Variants in TMEM161B observed in about 807,000 individuals in gnomAD.
TMEM161B encodes the protein transmembrane protein 161B.
TMEM161B carries 34 observed loss-of-function variants against 61.8 expected under a neutral mutation model. The ratio of observed to expected loss-of-function variants is 0.55; its 90% confidence interval spans 0.42 to 0.73. The LOEUF is 0.73. Among genes scored for constraint, TMEM161B ranks in the 30% least tolerant of loss-of-function variants. The pLI is 0.00. For synonymous variants in TMEM161B, 167 were observed against 192.8 expected, an observed-to-expected ratio of 0.87 and a Z score of 1.11; for missense variants, 456 against 558.5, an observed-to-expected ratio of 0.82 and a Z score of 1.85.
downstream of TMEM161B, among the ~76,000 whole-genome samples, chr5:88,192,683 C>A (rs1183947010): frequency 6.6e-6 from 1 of 152,166 alleles, no homozygotes; most frequent in Non-Finnish European, 1.5e-5. Flanking sequence ...TTCCTTAAGA[C>A]ACCTAAATCT....
chr5:88,219,290 T>C (rs1185561173), intron 5 of TMEM161B, among the ~76,000 whole-genome samples: 1 of 152,186 alleles, frequency 6.6e-6, no homozygotes, highest in Non-Finnish European at 1.5e-5. Flanking sequence ...AGCCCAAAGA[T>C]ACGTGCTTAA....
At chr5:88,221,696 G>C (rs1749015466) in intron 4 of TMEM161B, 1 of 455,716 alleles carries the variant, frequency 2.2e-6, no homozygotes, top group Non-Finnish European at 4.4e-6. Flanking sequence ...AGGTGGCATA[G>C]GTATTCTGGT....
intron 5 of TMEM161B, among the ~76,000 whole-genome samples, chr5:88,216,594 T>G (rs956605390): frequency 1.3e-5 from 2 of 152,240 alleles, no homozygotes; most frequent in Non-Finnish European, 2.9e-5. Context: ...CTTAAGACTT[T>G]GTTCTGGCTC....
At position 88,196,381 on chromosome 5, in the gene TMEM161B, T is replaced by C. The variant is rs745933568; in HGVS notation, c.1294A>G (p.Met432Val). ...GTTATTTGTGTAACAGTTACCTTCA[T>C]TTTCCCTTCAGCTGATGGTAATTCA... ...YSELPSAEGKMKVTVTQITVA... is the reference protein window; with the variant it reads ...YSELPSAEGKVKVTVTQITVA... The change falls in exon 12 of 12, where the codon ATG (methionine) becomes GTG (valine). Residue 432 changes from methionine to valine, a missense_variant. Met to Val is a conservative substitution (Grantham distance 21). Around this residue, in one of 3 missense-constraint regions of TMEM161B, gnomAD observed 367 missense variants for 427.3 expected, o/e 0.86. Coordinates refer to ENST00000296595, the MANE Select transcript of TMEM161B (RefSeq NM_153354.5). 1 of 1,613,420 alleles carries C rather than the reference T, an allele frequency of 6.2e-7. No homozygotes were observed. Among genetic ancestry groups the C allele is most frequent in the East Asian group, 2.2e-5 (1 of 44,834 alleles).
At chr5:88,262,000 A>T (rs1205532214) in intron 1 of TMEM161B, among the ~76,000 whole-genome samples, 5 of 152,152 alleles carry the variant, frequency 3.3e-5, no homozygotes. Flanking sequence ...AAACCAGACC[A>T]GGGGAAAATA....
rs374233084 is a variant in TMEM161B at position 88,197,623 on chromosome 5, T to C, written c.1186+46A>G. 8.8e-5 allele frequency: 127 copies of C among 1,440,846 alleles called. No homozygotes were observed. Among genetic ancestry groups the C allele is most frequent in the Non-Finnish European group, 1.2e-4 (122 of 1,043,548 alleles). 89.3% of individuals were successfully genotyped at this position (1,440,846 alleles called of 1,614,324 possible). On this transcript the variant is annotated intron_variant, in intron 11 of 11. Transcript: ENST00000296595. ...TGGTGACAAAAAGCTTTATTAATTA[T>C]AGGTAGAAAGTAAAAGATGCTTCCT...
At chr5:88,220,176 A>C (rs1748653772) in intron 5 of TMEM161B, among the ~76,000 whole-genome samples, 1 of 152,182 alleles carries the variant, frequency 6.6e-6, no homozygotes, top group African/African-American at 2.4e-5. Flanking sequence ...AATTTAATAA[A>C]ATGTTATCTC....
chr5:88,268,816 A>T lies in TMEM161B; in HGVS notation c.-93T>A. On this transcript the variant is annotated 5_prime_UTR_variant, in exon 1 of 12. Transcript: ENST00000296595. ...CCGGTCCTTGAGCCGAGAGACTCTC[A>T]AACAGCGAAAGAGAGGGTCTTCCGG... 1.3e-6 allele frequency: 2 copies of T among 1,597,582 alleles called. No homozygotes were observed. The highest frequency in any genetic ancestry group is 1.7e-6 in the Non-Finnish European group (2 of 1,168,508).
At chr5:88,262,006 A>T (rs1484404838) in intron 1 of TMEM161B, among the ~76,000 whole-genome samples, 1 of 152,160 alleles carries the variant, frequency 6.6e-6, no homozygotes, top group Non-Finnish European at 1.5e-5. Context: ...GACCAGGGGA[A>T]AATATCTGCA....
chr5:88,246,626 C>T (rs1753653410), intron 1 of TMEM161B, among the ~76,000 whole-genome samples: 1 of 151,936 alleles, frequency 6.6e-6, no homozygotes, highest in East Asian at 1.9e-4. Context: ...ACAAACCATT[C>T]TAATAACCTG....
At chr5:88,209,985 A>G (rs1746381262) in intron 5 of TMEM161B, among the ~76,000 whole-genome samples, 2 of 152,210 alleles carry the variant, frequency 1.3e-5, no homozygotes, top group Non-Finnish European at 2.9e-5. Flanking sequence ...ATCACTTACT[A>G]ATATAATTCA....
chr5:88,253,208 A>G (rs943561360), intron 1 of TMEM161B, among the ~76,000 whole-genome samples: 2 of 152,160 alleles, frequency 1.3e-5, no homozygotes, highest in South Asian at 2.1e-4. Context: ...TTTGGCTACA[A>G]TCTAGTCTAC....
chr5:88,217,570 GT>G (rs1321102330), intron 5 of TMEM161B, among the ~76,000 whole-genome samples: 1 of 151,026 alleles, frequency 6.6e-6, no homozygotes, highest in Non-Finnish European at 1.5e-5. Context: ...GGCGGCAGCG[GT>G]GGGCGAGGGG....
At chr5:88,224,708 G>A (rs929648145) in intron 4 of TMEM161B, among the ~76,000 whole-genome samples, 8 of 152,078 alleles carry the variant, frequency 5.3e-5, no homozygotes, top group East Asian at 1.9e-4. Flanking sequence ...TGAACTGTGC[G>A]TGTCTACTTA....
chr5:88,193,471 T>A (rs181852753), downstream of TMEM161B, among the ~76,000 whole-genome samples: 2 of 152,236 alleles, frequency 1.3e-5, no homozygotes, highest in East Asian at 3.9e-4. Context: ...TAACTCTTGG[T>A]TCAAAGACAA....
At chr5:88,218,673 G>C (rs1267479148) in intron 5 of TMEM161B, among the ~76,000 whole-genome samples, 1 of 152,098 alleles carries the variant, frequency 6.6e-6, no homozygotes, top group Admixed American at 6.6e-5. Flanking sequence ...AGGCAACAGA[G>C]TGAGACCCTG....
At chr5:88,237,142 T>G (rs560578034) in intron 2 of TMEM161B, among the ~76,000 whole-genome samples, 117 of 152,290 alleles carry the variant, frequency 7.7e-4, no homozygotes, top group African/African-American at 2.8e-3. Flanking sequence ...TTTGTAAAAA[T>G]GGAGATAATA....
intron 1 of TMEM161B, among the ~76,000 whole-genome samples, chr5:88,242,855 AAAAAT>A (rs1419598493): frequency 4.6e-5 from 7 of 151,790 alleles, no homozygotes; most frequent in African/African-American, 9.7e-5. Flanking sequence ...ACAAGTTGAA[AAAAAT>A]AAAATAAAAT....
intron 5 of TMEM161B, among the ~76,000 whole-genome samples, chr5:88,218,848 G>A (rs368458979): frequency 2.2e-3 from 328 of 152,214 alleles, no homozygotes; most frequent in African/African-American, 7.7e-3. Context: ...TTTCAAAAGC[G>A]CAAGGTCACA....
Sources: allele counts gnomAD v4.1 joint callset (sites outside exome capture counted in the v4.1 genomes callset), GRCh38; gene constraint gnomAD v4.1.1; regional missense constraint gnomAD v4.1.1; transcripts MANE v1.5; gene names NCBI Gene and HGNC (gene_info 2026-07-23, HGNC 2026-07-21).